The following SLC27A6 variants were observed in gnomAD, a reference collection of about 807,000 sequenced individuals.
SLC27A6 encodes long-chain fatty acid transport protein 6.
In SLC27A6, 74 loss-of-function variants were observed where a neutral mutation model predicts 63.9. That is an observed-to-expected ratio of 1.16 (90% CI 0.96 to 1.40). The LOEUF (loss-of-function observed/expected upper bound fraction) is 1.40. Among genes scored for constraint, SLC27A6 ranks in the 40% most tolerant of loss-of-function variants. SLC27A6 has a pLI of 0.00. For synonymous variants in SLC27A6, 287 were observed against 260.8 expected, an observed-to-expected ratio of 1.10 and a Z score of -0.97; for missense variants, 794 against 732.9, an observed-to-expected ratio of 1.08 and a Z score of -0.96.
intron 5 of SLC27A6, among the ~76,000 whole-genome samples, chr5:129,022,831 A>G (rs148533445): frequency 6.1e-4 from 93 of 152,266 alleles, no homozygotes; most frequent in African/African-American, 2.2e-3. Flanking sequence ...TCTCAAAAAC[A>G]AACAAAACAA....
intron 4 of SLC27A6, among the ~76,000 whole-genome samples, chr5:128,992,176 AGG>A: frequency 6.7e-4 from 1 of 1,492 alleles, no homozygotes; most frequent in East Asian, 0.014. Context: ...CCTTGACTAG[AGG>A]ATCTCTCAAT....
rs1160433382 is a variant in SLC27A6 at position 128,966,137 on chromosome 5, C to T, written c.-1C>T. On this transcript the variant is annotated 5_prime_UTR_variant, in exon 1 of 10. Transcript: ENST00000262462. The stretch of plus-strand genomic sequence containing the variant: ...AGCTGTCTTCTGGCCCAGTTGCCCC[C>T]ATGCTTCTGTCATGGCTAACAGTTC... 1 of 1,536,478 alleles carries T rather than the reference C, an allele frequency of 6.5e-7. No homozygotes were observed. Among genetic ancestry groups the T allele is most frequent in the East Asian group, 2.3e-5 (1 of 44,432 alleles).
chr5:129,026,046 G>A (rs2538020), intron 6 of SLC27A6, among the ~76,000 whole-genome samples: 34,056 of 152,096 alleles, frequency 0.22, 3,879 homozygotes, highest in Middle Eastern at 0.29. Flanking sequence ...GAGGTGGGAG[G>A]ATCGGTTGAG....
chr5:128,973,582 G>A (rs1319137747), intron 1 of SLC27A6, among the ~76,000 whole-genome samples: 1 of 152,216 alleles, frequency 6.6e-6, no homozygotes, highest in Non-Finnish European at 1.5e-5. Context: ...ACCAAGCCAG[G>A]CACGGGATAT....
At chr5:128,989,502 G>A (rs1750901872) in intron 3 of SLC27A6, among the ~76,000 whole-genome samples, 1 of 152,174 alleles carries the variant, frequency 6.6e-6, no homozygotes, top group East Asian at 1.9e-4. Context: ...AAATGAAGAT[G>A]AGATATTAAA....
chr5:128,991,732 A>T (rs2577415), intron 4 of SLC27A6, among the ~76,000 whole-genome samples: 22 of 150,814 alleles, frequency 1.5e-4, no homozygotes, highest in African/African-American at 5.1e-4. Context: ...AAAAAAAAAA[A>T]CCCACATTGC....
intron 4 of SLC27A6, among the ~76,000 whole-genome samples, chr5:129,011,632 A>G (rs1032675534): frequency 6.6e-6 from 1 of 152,190 alleles, no homozygotes; most frequent in African/African-American, 2.4e-5. Flanking sequence ...TGTCCACAAC[A>G]GTTCCCTCTC....
At chr5:129,002,958 G>GT (rs1751391698) in intron 4 of SLC27A6, among the ~76,000 whole-genome samples, 1 of 152,058 alleles carries the variant, frequency 6.6e-6, no homozygotes, top group Admixed American at 6.6e-5. Flanking sequence ...CTCTACTTTG[G>GT]TTTTTGAGTG....
At chr5:129,009,183 A>C (rs1751643301) in intron 4 of SLC27A6, among the ~76,000 whole-genome samples, 1 of 152,162 alleles carries the variant, frequency 6.6e-6, no homozygotes, top group Non-Finnish European at 1.5e-5. Flanking sequence ...TAAAAATCAA[A>C]ACAGTACTTT....
At chr5:128,988,790 CA>C (rs1750878179) in intron 3 of SLC27A6, 32 bp downstream of exon 3, 1 of 1,554,058 alleles carries the variant, frequency 6.4e-7, no homozygotes, top group African/African-American at 1.4e-5. Flanking sequence ...GATAAGTTTT[CA>C]AAATGTCTAA....
At chr5:129,018,892 A>G (rs1406578823) in intron 5 of SLC27A6, among the ~76,000 whole-genome samples, 1 of 152,134 alleles carries the variant, frequency 6.6e-6, no homozygotes, top group Non-Finnish European at 1.5e-5. Flanking sequence ...CTAATACTTT[A>G]TGACTTCTAG....
rs1490559236 is a variant in SLC27A6 at position 129,027,207 on chromosome 5, A to C, written c.1330A>C (p.Thr444Pro). The C allele has an allele frequency of 6.2e-7, 1 of 1,613,568 alleles. No individual in the cohort carries two copies. The highest frequency in any genetic ancestry group is 8.5e-7 in the Non-Finnish European group (1 of 1,179,604). The stretch of plus-strand genomic sequence containing the variant: ...TGGCTATGCTGGGCCTTATAAGCAC[A>C]CAAAAGACAAATTGCTTTGTGATGT... ...FFGYAGPYKH[T>P]KDKLLCDVFK... The change falls in exon 7 of 10, where the codon ACA (threonine) becomes CCA (proline). Residue 444 changes from threonine (T) to proline (P), a missense_variant. Thr to Pro is a conservative substitution (Grantham distance 38). Coordinates refer to ENST00000262462, the MANE Select transcript of SLC27A6 (RefSeq NM_001017372.3).
At chr5:128,967,276 G>A (rs2577545) in intron 1 of SLC27A6, among the ~76,000 whole-genome samples, 36,701 of 151,894 alleles carry the variant, frequency 0.24, 4,990 homozygotes, top group Middle Eastern at 0.34. Flanking sequence ...TAGGCTACAC[G>A]TATTTTCACT....
At position 129,027,172 on chromosome 5, in the gene SLC27A6, A is replaced by G. The variant is rs1405182444; in HGVS notation, c.1295A>G (p.Asn432Ser). 1.2e-6 allele frequency: 2 copies of G among 1,613,466 alleles called. No homozygotes were observed. Among genetic ancestry groups the G allele is most frequent in the East Asian group, 2.2e-5 (1 of 44,850 alleles). ...CTCATTTCTCGAGTGAATGCAAAAAATCCCTTCTTTGGCTATGCTGGGCCT... is the reference window on the plus strand; with the variant it reads ...CTCATTTCTCGAGTGAATGCAAAAAGTCCCTTCTTTGGCTATGCTGGGCCT... ...GLLISRVNAK[N>S]PFFGYAGPYK... Residue 432 changes from asparagine (N) to serine (S), a missense_variant, in exon 7 of 10, where the codon AAT (asparagine) becomes AGT (serine). Physicochemically the swap from Asn to Ser is conservative, Grantham distance 46. Transcript: ENST00000262462.
Position 128,965,998 on chromosome 5 carries a change from C to T in SLC27A6, c.-140C>T. 1.0e-6 allele frequency: 1 copy of T among 971,454 alleles called. No homozygotes were observed. Among genetic ancestry groups the T allele is most frequent in the South Asian group, 3.0e-5 (1 of 33,000 alleles). The allele number at this position is 971,454 out of a possible 1,614,324, so 60.2% of individuals were successfully genotyped here. A position where few individuals can be genotyped will look rare whatever the true frequency, so the allele number is the denominator to read the frequency against. ...CTCAGGATTCCTCCCCATCCCGCTT[C>T]GCCCCGGAAAAGCTGACAAGAACTT... is the stretch of plus-strand genomic sequence containing the variant. On this transcript the variant is annotated 5_prime_UTR_variant, in exon 1 of 10. Coordinates refer to ENST00000262462, the MANE Select transcript of SLC27A6 (RefSeq NM_001017372.3).
intron 1 of SLC27A6, among the ~76,000 whole-genome samples, chr5:128,973,813 T>G (rs2150128446): frequency 6.6e-6 from 1 of 151,856 alleles, no homozygotes; most frequent in African/African-American, 2.4e-5. Flanking sequence ...ATGAATCCGG[T>G]ACCTCAGTTG....
intron 5 of SLC27A6, among the ~76,000 whole-genome samples, chr5:129,022,045 A>T (rs1209883282): frequency 6.6e-6 from 1 of 152,214 alleles, no homozygotes; most frequent in Non-Finnish European, 1.5e-5. Context: ...TTGTTTGGCC[A>T]AGATGATAAA....
chr5:129,028,288 G>T, intron 7 of SLC27A6, 57 bp from the exon 8 acceptor site: 1 of 1,123,808 alleles, frequency 8.9e-7, no homozygotes, highest in East Asian at 2.4e-5. Flanking sequence ...ACTAAAACTG[G>T]GTACCTAGTT....
chr5:129,032,061 A>T (rs1173150428), intron 9 of SLC27A6, among the ~76,000 whole-genome samples: 1 of 151,992 alleles, frequency 6.6e-6, no homozygotes, highest in Admixed American at 6.6e-5. Context: ...CCATGCCTGA[A>T]ATTCCCACAA....
Sources: gnomAD v4.1 joint callset for allele counts (sites outside exome capture counted in the v4.1 genomes callset) on GRCh38, gnomAD v4.1.1 for gene constraint, MANE v1.5 for transcripts, NCBI Gene and HGNC (gene_info 2026-07-23, HGNC 2026-07-21) for gene names.